The following EXTL3 variants were observed in gnomAD, a reference collection of about 807,000 sequenced individuals.
EXTL3 encodes the protein exostosin like glycosyltransferase 3, also known as exostosin-like 3.
In EXTL3, 27 loss-of-function variants were observed where a neutral mutation model predicts 69.3. The ratio of observed to expected loss-of-function variants is 0.39; its 90% CI spans 0.29 to 0.54. EXTL3 has a LOEUF of 0.54. EXTL3 is among the 20% of genes least tolerant of loss of function. The pLI, the probability that EXTL3 is intolerant of heterozygous loss-of-function variation, is 0.69. For missense variants in EXTL3, 1,003 were observed against 1,231.8 expected, an observed-to-expected ratio of 0.81 and a Z score of 2.78; for synonymous variants, 511 against 499.4, an observed-to-expected ratio of 1.02 and a Z score of -0.31.
chr8:28,642,269 C>T (rs1419798985), intron 1 of EXTL3, among the ~76,000 whole-genome samples: 1 of 150,998 alleles, frequency 6.6e-6, no homozygotes, highest in Admixed American at 6.6e-5. Context: ...CATGGTGAAA[C>T]CCCATCTCTA....
chr8:28,607,971 G>A (rs192024785), intron 2 of EXTL3, among the ~76,000 whole-genome samples: 2 of 151,872 alleles, frequency 1.3e-5, no homozygotes, highest in Admixed American at 1.3e-4. Flanking sequence ...TTAGCCAGGC[G>A]TGGTGGTGGG....
chr8:28,619,406 C>T (rs371058053), upstream of EXTL3, among the ~76,000 whole-genome samples: 6 of 150,828 alleles, frequency 4.0e-5, no homozygotes, highest in African/African-American at 1.5e-4. Context: ...GTTTTCCTCC[C>T]GCCTGAAAAT....
chr8:28,672,957 G>T (rs1807321323), intron 1 of EXTL3, among the ~76,000 whole-genome samples: 1 of 152,134 alleles, frequency 6.6e-6, no homozygotes, highest in Non-Finnish European at 1.5e-5. Context: ...TTTATAAAGG[G>T]GAGTTTCCCT....
intron 1 of EXTL3, among the ~76,000 whole-genome samples, chr8:28,651,385 G>A (rs1374470474): frequency 1.3e-5 from 2 of 152,020 alleles, no homozygotes; most frequent in African/African-American, 2.4e-5. Context: ...GAGTGCAGTG[G>A]CACTATCATG....
chr8:28,668,978 C>G (rs1216364496), intron 1 of EXTL3, among the ~76,000 whole-genome samples: 1 of 146,476 alleles, frequency 6.8e-6, no homozygotes, highest in Non-Finnish European at 1.5e-5. Flanking sequence ...ATTCTCCTGC[C>G]TCAGCCTCCT....
chr8:28,703,539 C>G (rs1229328205), intron 1 of EXTL3, among the ~76,000 whole-genome samples: 2 of 152,062 alleles, frequency 1.3e-5, no homozygotes, highest in African/African-American at 4.8e-5. Context: ...CCTAGGCCAG[C>G]TGTGGATTGG....
intron 2 of EXTL3, among the ~76,000 whole-genome samples, chr8:28,714,760 T>TG: frequency 6.6e-6 from 1 of 152,330 alleles, no homozygotes; most frequent in East Asian, 1.9e-4. Flanking sequence ...CTGGGAGTGT[T>TG]GCTGAGGGAC....
At chr8:28,644,711 A>G (rs528744575) in intron 1 of EXTL3, among the ~76,000 whole-genome samples, 1 of 152,180 alleles carries the variant, frequency 6.6e-6, no homozygotes, top group South Asian at 2.1e-4. Flanking sequence ...AAAATGTTCA[A>G]TGTATCTTTT....
chr8:28,647,211 T>G lies in EXTL3; in HGVS notation c.-53+24401T>G, dbSNP rs368132789. Among the ~76,000 whole-genome samples the G allele has an allele frequency of 6.0e-4, 92 of 152,098 alleles. 1 individual carries two copies. Among genetic ancestry groups the G allele is most frequent in the African/African-American group, 2.1e-3 (86 of 41,490 alleles). On this transcript the variant is annotated intron_variant, in intron 1 of 6. Coordinates refer to the EXTL3 transcript ENST00000523149. ...CCTCCTCTTCCTGGGTTCAAGCCAT[T>G]GTCCTCCCTCATCCTCCCTAGTAGC...
At chr8:28,704,942 C>T (rs529375535) in intron 1 of EXTL3, among the ~76,000 whole-genome samples, 19 of 152,356 alleles carry the variant, frequency 1.2e-4, no homozygotes, top group African/African-American at 4.1e-4. Flanking sequence ...GCTTGAGCCG[C>T]CGCATCCGGC....
In EXTL3 at chr8:28,717,020, C is replaced by T; in HGVS notation, c.961C>T (p.His321Tyr). 6.2e-7 allele frequency: 1 copy of T among 1,614,248 alleles called. No individual in the cohort carries two copies. The highest frequency in any genetic ancestry group is 8.5e-7 in the Non-Finnish European group (1 of 1,180,048). ...TGACTTGGTCGTATCACCGCTGGTCCATGCCATGTCTGAGCCCAACTTCAT... is the reference window on the plus strand; with the variant it reads ...TGACTTGGTCGTATCACCGCTGGTCTATGCCATGTCTGAGCCCAACTTCAT... ...GFDLVVSPLV[H>Y]AMSEPNFMEI... The change falls in exon 3 of 7, where the codon CAT becomes TAT. Residue 321 changes from histidine to tyrosine, a missense_variant. Physicochemically the swap from His to Tyr is moderately conservative, Grantham distance 83. Around this residue, in one of 2 missense-constraint regions of EXTL3, gnomAD observed 742 missense variants for 815.4 expected, o/e 0.91. Transcript: ENST00000220562. The surrounding 1 kb of genome is among the most constrained non-coding windows in gnomAD (Gnocchi z 8.3).
chr8:28,721,035 T>G (rs1423493985), intron 3 of EXTL3, among the ~76,000 whole-genome samples: 3 of 152,250 alleles, frequency 2.0e-5, no homozygotes, highest in African/African-American at 7.2e-5. Context: ...AATTTTTGTT[T>G]CCTTATATGT....
At chr8:28,619,266 T>G (rs1171582183), upstream of EXTL3, among the ~76,000 whole-genome samples, 4 of 64,654 alleles carry the variant, frequency 6.2e-5, no homozygotes, top group African/African-American at 2.8e-4. Flanking sequence ...AGCTTAGTGA[T>G]AAAAAAAAAA....
Position 28,750,990 on chromosome 8 carries a change from G to A in EXTL3, c.*124G>A. ...TGGCCCAGAGCCTCTGCTGGAAGGG[G>A]CAGCAGGAGGAGTGGAAGGAAACCG... On this transcript the variant is annotated 3_prime_UTR_variant, in exon 7 of 7. Transcript: ENST00000220562. The surrounding 1 kb of genome is among the most constrained non-coding windows in gnomAD (Gnocchi z 5.2). The A allele has an allele frequency of 3.8e-6, 3 of 797,402 alleles. No individual in the cohort carries two copies. The highest frequency in any genetic ancestry group is 6.2e-6 in the Non-Finnish European group (3 of 487,058). The allele number at this position is 797,402 out of a possible 1,614,324, so 49.4% of individuals were successfully genotyped here.
rs1220256981 is a variant in EXTL3, at chr8:28,729,405, G to A, written c.2149-1818G>A. Among the ~76,000 whole-genome samples, 7 of 151,046 alleles carry A rather than the reference G, an allele frequency of 4.6e-5. No individual in the cohort carries two copies. The East Asian group carries it at 1.2e-3, about 25-fold the overall frequency. ...AGGTCAGGATTTCAAGACCAGCCTG[G>A]CCAAGATGGTGAAACCCCGTCTCTA... On this transcript the variant is annotated intron_variant, in intron 3 of 6. Coordinates refer to ENST00000220562, the MANE Select transcript of EXTL3 (RefSeq NM_001440.4).
rs769508161 is a variant in EXTL3 at position 28,716,086 on chromosome 8, T to C, written c.27T>C (p.Asn9=). MTGYTMLR[N]GGAGNGGQTC... is the part of the protein sequence containing the mutation. The stretch of plus-strand genomic sequence containing the variant: ...TGACAGGCTATACCATGCTGCGGAA[T>C]GGGGGCGCGGGGAACGGAGGTCAGA... Residue 9 remains asparagine, a synonymous_variant, in exon 3 of 7, where the codon AAT becomes AAC. Transcript: ENST00000220562. The surrounding 1 kb of genome is among the most constrained non-coding windows in gnomAD (Gnocchi z 7.1). The C allele has an allele frequency of 1.2e-6, 2 of 1,610,508 alleles. No individual in the cohort carries two copies. The highest frequency in any genetic ancestry group is 1.1e-5 in the South Asian group (1 of 91,074).
intron 5 of EXTL3, chr8:28,742,127 T>G (rs1478767804): frequency 1.3e-5 from 2 of 152,200 alleles, no homozygotes; most frequent in African/African-American, 2.4e-5. Context: ...CACCATTACA[T>G]AGTAATTTCA....
intron 1 of EXTL3, among the ~76,000 whole-genome samples, chr8:28,646,971 C>T (rs1806840211): frequency 6.6e-6 from 1 of 152,142 alleles, no homozygotes; most frequent in South Asian, 2.1e-4. Context: ...GTGTTCTAGG[C>T]ACTTGGTTAC....
Position 28,713,532 on chromosome 8 carries a change from A to C in EXTL3, c.-494A>C. The C allele has an allele frequency of 1.4e-6, 1 of 702,402 alleles. No homozygotes were observed. The highest frequency in any genetic ancestry group is 2.6e-6 in the Non-Finnish European group (1 of 384,936). 43.5% of individuals were successfully genotyped at this position (702,402 alleles called of 1,614,324 possible). A position where few individuals can be genotyped will look rare whatever the true frequency, so the allele number is the denominator to read the frequency against. ...TAATGCTACACAAGTCAGAGGAAGGAAGGGTCCTGAAACACATGGTGAGGA... is the reference window on the plus strand; with the variant it reads ...TAATGCTACACAAGTCAGAGGAAGGCAGGGTCCTGAAACACATGGTGAGGA... On this transcript the variant is annotated 5_prime_UTR_variant, in exon 2 of 7. Transcript: ENST00000220562.
Sources: allele counts gnomAD v4.1 joint callset (sites outside exome capture counted in the v4.1 genomes callset), GRCh38; gene constraint gnomAD v4.1.1; regional missense constraint gnomAD v4.1.1; non-coding constraint Gnocchi (gnomAD v3.1); transcripts MANE v1.5; gene names NCBI Gene and HGNC (gene_info 2026-07-23, HGNC 2026-07-21).